The following SLC44A5 variants were observed in gnomAD, a reference collection of about 807,000 sequenced individuals.
SLC44A5 encodes choline transporter-like protein 5.
A neutral mutation model predicts 101.8 loss-of-function variants in SLC44A5; 57 were observed. The ratio of observed to expected loss-of-function variants is 0.56; its 90% CI spans 0.45 to 0.70. SLC44A5 has a LOEUF of 0.70. SLC44A5 is among the 30% of genes least tolerant of loss of function. The pLI is 0.00. For synonymous variants in SLC44A5, 281 were observed against 290.9 expected (o/e 0.97, Z 0.35); for missense variants, 737 against 853.1 (o/e 0.86, Z 1.70).
At chr1:75,205,737 A>G (rs547985476) in intron 23 of SLC44A5, 23 of 152,208 alleles carry the variant, frequency 1.5e-4, no homozygotes, top group Admixed American at 3.3e-4. Context: ...AAGCCACACA[A>G]TCTCTTTAAT....
intron 4 of SLC44A5, among the ~76,000 whole-genome samples, chr1:75,302,918 T>C (rs1050579070): frequency 6.6e-5 from 10 of 152,170 alleles, no homozygotes; most frequent in African/African-American, 2.4e-4. Flanking sequence ...TATCCTGCTA[T>C]TCAGAACAGT....
intron 2 of SLC44A5, chr1:75,398,265 C>T (rs952424609): frequency 1.2e-5 from 4 of 338,280 alleles, no homozygotes; most frequent in Non-Finnish European, 1.7e-5. Flanking sequence ...CACATTTTAG[C>T]TTATATAATA....
chr1:75,262,463 C>T (rs1029726238), intron 6 of SLC44A5, among the ~76,000 whole-genome samples: 4 of 152,166 alleles, frequency 2.6e-5, no homozygotes, highest in African/African-American at 9.7e-5. Context: ...CTACAAACCA[C>T]TGTTCAAGGA....
chr1:75,538,022 T>C lies in SLC44A5; in HGVS notation c.13+3413A>G, dbSNP rs975912008. The C allele has an allele frequency of 7.9e-5, 12 of 152,296 alleles. 1 individual carries two copies. Among genetic ancestry groups the C allele is most frequent in the African/African-American group, 2.9e-4 (12 of 41,574 alleles). The allele number at this position is 152,296 out of a possible 1,614,324, so 9.4% of individuals were successfully genotyped here. On this transcript the variant is annotated intron_variant, in intron 2 of 23. Coordinates refer to ENST00000370859, the MANE Select transcript of SLC44A5 (RefSeq NM_001130058.2). Reference sequence around the variant, plus strand: ...AGAAGTAATTAACTATGCAAAAATATAGCAGGTTTACAAATTTGTGAGGCA... The same window carrying C: ...AGAAGTAATTAACTATGCAAAAATACAGCAGGTTTACAAATTTGTGAGGCA...
chr1:75,484,484 A>G (rs1419646343), intron 2 of SLC44A5, among the ~76,000 whole-genome samples: 1 of 152,216 alleles, frequency 6.6e-6, no homozygotes, highest in Non-Finnish European at 1.5e-5. Context: ...AGCCTCAGAC[A>G]GCTCCACTTC....
At chr1:75,461,986 G>T (rs1248645232) in intron 2 of SLC44A5, among the ~76,000 whole-genome samples, 1 of 152,208 alleles carries the variant, frequency 6.6e-6, no homozygotes, top group African/African-American at 2.4e-5. Flanking sequence ...AAGGACGCAG[G>T]CCTGGCTGAC....
chr1:75,635,874 G>C, the SLC44A5 span, among the ~76,000 whole-genome samples: 1 of 151,702 alleles, frequency 6.6e-6, no homozygotes, highest in Admixed American at 6.6e-5. Flanking sequence ...CCATTTAATA[G>C]GTATGAAACT....
intron 2 of SLC44A5, among the ~76,000 whole-genome samples, chr1:75,404,196 T>C (rs1025607120): frequency 6.6e-6 from 1 of 152,048 alleles, no homozygotes; most frequent in Non-Finnish European, 1.5e-5. Flanking sequence ...AATATGGGAC[T>C]ATGTGAAAAG....
At chr1:75,684,797 C>T in the SLC44A5 span, among the ~76,000 whole-genome samples, 211 of 152,176 alleles carry the variant, frequency 1.4e-3, 1 homozygote, top group Non-Finnish European at 2.5e-3. Flanking sequence ...ATGGTGCAAG[C>T]TGTCAGTGGT....
In SLC44A5 at chr1:75,219,344, A is replaced by C. The variant is rs1411793608; in HGVS notation, c.1179T>G (p.Val393=). Residue 393 remains valine, a splice_region_variant and synonymous_variant, in exon 16 of 24, where the codon GTT becomes GTG. Coordinates refer to ENST00000370859, the MANE Select transcript of SLC44A5 (RefSeq NM_001130058.2). ...ICICYWVVTA[V]FLATSGVPVY... ...CAGGTACCCCCGATGTCGCCAAGAAACTGAATAAACTCCATTAAGGATAAA... is the reference window on the plus strand; with the variant it reads ...CAGGTACCCCCGATGTCGCCAAGAACCTGAATAAACTCCATTAAGGATAAA... The C allele has an allele frequency of 6.2e-7, 1 of 1,602,468 alleles. No homozygotes were observed. Among genetic ancestry groups the C allele is most frequent in the Non-Finnish European group, 8.6e-7 (1 of 1,169,552 alleles).
intron 5 of SLC44A5, among the ~76,000 whole-genome samples, chr1:75,286,272 T>C (rs753685132): frequency 6.6e-6 from 1 of 152,158 alleles, no homozygotes; most frequent in Non-Finnish European, 1.5e-5. Context: ...CTGTTTTATT[T>C]GATATAAGAA....
chr1:75,538,842 G>A (rs1201957097), intron 2 of SLC44A5, among the ~76,000 whole-genome samples: 46 of 152,110 alleles, frequency 3.0e-4, no homozygotes, highest in Admixed American at 3.0e-3. Context: ...GCATTCCTCT[G>A]TGCTGTTCCT....
At chr1:75,299,078 TAAGA>T (rs1654215527) in intron 5 of SLC44A5, among the ~76,000 whole-genome samples, 1 of 152,134 alleles carries the variant, frequency 6.6e-6, no homozygotes, top group Non-Finnish European at 1.5e-5. Context: ...ATTACACAGA[TAAGA>T]AAGATGTGTC....
At chr1:75,239,551 C>T (rs939998083) in intron 9 of SLC44A5, among the ~76,000 whole-genome samples, 6 of 152,006 alleles carry the variant, frequency 3.9e-5, no homozygotes. Flanking sequence ...ATTTTCTTGT[C>T]TGCTCACCTC....
chr1:75,539,705 G>A (rs1671249160), intron 2 of SLC44A5, among the ~76,000 whole-genome samples: 1 of 152,154 alleles, frequency 6.6e-6, no homozygotes, highest in African/African-American at 2.4e-5. Flanking sequence ...TACGGAGAAA[G>A]TCATTCATTA....
intron 3 of SLC44A5, among the ~76,000 whole-genome samples, chr1:75,357,745 A>T (rs577850029): frequency 6.6e-5 from 10 of 152,266 alleles, no homozygotes; most frequent in Non-Finnish European, 8.8e-5. Context: ...ATGAGGAGAG[A>T]AATGGATAAT....
At chr1:75,319,134 T>C (rs1250324912) in intron 4 of SLC44A5, among the ~76,000 whole-genome samples, 1 of 152,182 alleles carries the variant, frequency 6.6e-6, no homozygotes, top group Non-Finnish European at 1.5e-5. Context: ...TATGTTGATT[T>C]TTATTTAGCT....
chr1:75,372,707 G>A (rs533162061), intron 3 of SLC44A5, among the ~76,000 whole-genome samples: 178 of 152,160 alleles, frequency 1.2e-3, no homozygotes, highest in Non-Finnish European at 2.2e-3. Flanking sequence ...AACTTTTCAT[G>A]GTAATGTTTA....
At chr1:75,666,442 A>G in the SLC44A5 span, among the ~76,000 whole-genome samples, 2 of 152,196 alleles carry the variant, frequency 1.3e-5, no homozygotes, top group African/African-American at 4.8e-5. Context: ...TTGAAGCAGT[A>G]ATTAGTAGCC....
Sources: allele counts gnomAD v4.1 joint callset (sites outside exome capture counted in the v4.1 genomes callset), GRCh38; gene constraint gnomAD v4.1.1; transcripts MANE v1.5; gene names NCBI Gene and HGNC (gene_info 2026-07-23, HGNC 2026-07-21).